KBTBD7: variants seen among roughly 807,000 people sequenced by gnomAD.
KBTBD7 encodes the protein kelch repeat and BTB domain-containing protein 7.
In KBTBD7, 25 loss-of-function variants were observed where a neutral mutation model predicts 50.3. The observed-to-expected ratio is 0.50, with a 90% CI of 0.36 to 0.69. KBTBD7 has a LOEUF of 0.69. Among genes scored for constraint, KBTBD7 ranks in the 30% least tolerant of loss-of-function variants. The pLI, the probability that KBTBD7 is intolerant of heterozygous loss-of-function variation, is 0.00. For missense variants in KBTBD7, 653 were observed against 869.5 expected, an observed-to-expected ratio of 0.75 and a Z score of 3.13; for synonymous variants, 305 against 325.3, an observed-to-expected ratio of 0.94 and a Z score of 0.67.
Position 41,193,447 on chromosome 13 carries a change from T to C in KBTBD7, c.811A>G (p.Thr271Ala). 6.2e-7 allele frequency: 1 copy of C among 1,614,150 alleles called. No individual in the cohort carries two copies. Among genetic ancestry groups the C allele is most frequent in the Non-Finnish European group, 8.5e-7 (1 of 1,180,004 alleles). ...TCTAAGTAGTCCTGATCTTCTTCAG[T>C]GAAGTGCATCCAGCGCACGCACTTG... ...VFKCVRWMHF[T>A]EEDQDYLEGL... The change falls in exon 1 of 1, where the codon ACT becomes GCT. Residue 271 changes from threonine (T) to alanine (A), a missense_variant. Physicochemically the swap from Thr to Ala is moderately conservative, Grantham distance 58. This residue lies in a region of KBTBD7 where 526 missense variants were observed against 717.1 expected (regional missense o/e 0.73). Transcript: ENST00000379483. The surrounding 1 kb of genome is among the most constrained non-coding windows in gnomAD (Gnocchi z 5.7).
Position 41,192,106 on chromosome 13 carries a change from G to T in KBTBD7, c.*97C>A. The stretch of plus-strand genomic sequence containing the variant: ...ATATTACCCTTTCTAAACCAAATCT[G>T]TGGTCCTAATCAACTTTTTTTCCAA... On this transcript the variant is annotated 3_prime_UTR_variant, in exon 1 of 1. Transcript: ENST00000379483. 8.3e-7 allele frequency: 1 copy of T among 1,203,926 alleles called. No homozygotes were observed. The highest frequency in any genetic ancestry group is 1.2e-6 in the Non-Finnish European group (1 of 849,626). 74.6% of individuals were successfully genotyped at this position (1,203,926 alleles called of 1,614,324 possible). A position where few individuals can be genotyped will look rare whatever the true frequency, so the allele number is the denominator to read the frequency against.
Position 41,193,753 on chromosome 13 carries a change from C to T in KBTBD7, c.505G>A (p.Asp169Asn). 1 of 1,614,206 alleles carries T rather than the reference C, an allele frequency of 6.2e-7. No individual in the cohort carries two copies. Residue 169 changes from aspartate (D) to asparagine (N), a missense_variant, in exon 1 of 1, where the codon GAC (aspartate) becomes AAC (asparagine). Physicochemically the swap from Asp to Asn is conservative, Grantham distance 23. Around this residue, in one of 3 missense-constraint regions of KBTBD7, gnomAD observed 526 missense variants for 717.1 expected, o/e 0.73. Transcript: ENST00000379483. This position sits in a 1 kb window ranked among gnomAD's most constrained non-coding sequence, Gnocchi z 5.7. ...AGGATGGCGGTGCAGTTGGTCAGGT[C>T]AAGACGTCGGGCTAAGAAGGAGGCA... ...ACASFLARRL[D>N]LTNCTAILKF...
At position 41,194,025 on chromosome 13, in the gene KBTBD7, GT is replaced by G. The variant is rs2031466253; in HGVS notation, c.232del (p.Thr78ArgfsTer12). 1 of 1,614,116 alleles carries G rather than the reference GT, an allele frequency of 6.2e-7. No homozygotes were observed. ...GCGATTGCAGGAAAAGAGGCGACCC[GT>G]GCCAGGCCCGCTGCCAGGCGTCACC... The part of the protein sequence containing the change: ...EVVTPGSGPG[T>X]GRLFSCNRNV... On this transcript the variant is annotated frameshift_variant, in exon 1 of 1. Coordinates refer to ENST00000379483, the MANE Select transcript of KBTBD7 (RefSeq NM_032138.7). LOFTEE classifies it high-confidence loss of function.
At position 41,192,108 on chromosome 13, in the gene KBTBD7, G is replaced by T. The variant is rs1593477770; in HGVS notation, c.*95C>A. On this transcript the variant is annotated 3_prime_UTR_variant, in exon 1 of 1. Transcript: ENST00000379483. Reference sequence around the variant, plus strand: ...ATTACCCTTTCTAAACCAAATCTGTGGTCCTAATCAACTTTTTTTCCAAGA... The same window carrying T: ...ATTACCCTTTCTAAACCAAATCTGTTGTCCTAATCAACTTTTTTTCCAAGA... 4.9e-6 allele frequency: 6 copies of T among 1,217,604 alleles called. No homozygotes were observed. The highest frequency in any genetic ancestry group is 7.0e-6 in the Non-Finnish European group (6 of 862,050). The allele number at this position is 1,217,604 out of a possible 1,614,324, so 75.4% of individuals were successfully genotyped here.
Position 41,192,174 on chromosome 13 carries a change from A to T in KBTBD7, c.*29T>A. The T allele has an allele frequency of 6.4e-7, 1 of 1,566,960 alleles. No homozygotes were observed. On this transcript the variant is annotated 3_prime_UTR_variant, in exon 1 of 1. Transcript: ENST00000379483. ...TGTTTAAAATACATTCCGTAGCAGT[A>T]GAAACATCTTAGTGTCTCAAAATAC...
chr13:41,192,530 T>C lies in KBTBD7; in HGVS notation c.1728A>G (p.Pro576=). ...CTGTCACTCGGTTCTTTTTCCATTG[T>C]GGGGTTGTAGAAGTGATGAGAAGCA... is the stretch of plus-strand genomic sequence containing the variant. ...QKLLLITSTT[P]QWKKNRVTVY... is the part of the protein sequence containing the mutation. The change falls in exon 1 of 1, where the codon CCA becomes CCG. Residue 576 remains proline (P), a synonymous_variant. Coordinates refer to ENST00000379483, the MANE Select transcript of KBTBD7 (RefSeq NM_032138.7). 6.2e-7 allele frequency: 1 copy of C among 1,614,232 alleles called. No individual in the cohort carries two copies. The highest frequency in any genetic ancestry group is 8.5e-7 in the Non-Finnish European group (1 of 1,180,040).
Position 41,191,998 on chromosome 13 carries a change from A to G in KBTBD7, c.*205T>C, listed in dbSNP as rs2031400824. The stretch of plus-strand genomic sequence containing the variant: ...AATCAATTATATAGTTCTTGCTTCC[A>G]TATTTTAATTCTGGACTTTCAGGAT... On this transcript the variant is annotated 3_prime_UTR_variant, in exon 1 of 1. Coordinates refer to ENST00000379483, the MANE Select transcript of KBTBD7 (RefSeq NM_032138.7). 6.0e-6 allele frequency: 3 copies of G among 501,662 alleles called. No homozygotes were observed. Among genetic ancestry groups the G allele is most frequent in the East Asian group, 6.0e-5 (2 of 33,328 alleles). The allele number at this position is 501,662 out of a possible 1,614,324, so 31.1% of individuals were successfully genotyped here. A position where few individuals can be genotyped will look rare whatever the true frequency, so the allele number is the denominator to read the frequency against.
Position 41,194,116 on chromosome 13 carries a change from C to G in KBTBD7, c.142G>C (p.Ala48Pro), listed in dbSNP as rs944952621. 1.9e-6 allele frequency: 3 copies of G among 1,614,222 alleles called. No homozygotes were observed. Among genetic ancestry groups the G allele is most frequent in the Non-Finnish European group, 2.5e-6 (3 of 1,180,040 alleles). Reference protein sequence around the residue: ...EELKDTAHSAALLAQLKSFYD... With the variant: ...EELKDTAHSAPLLAQLKSFYD... ...AAGGACTTGAGCTGTGCCAGCAGGG[C>G]TGCAGAATGGGCCGTGTCCTTTAAC... The change falls in exon 1 of 1, where the codon GCC (alanine) becomes CCC (proline). Residue 48 changes from alanine (A) to proline (P), a missense_variant. This residue lies in a region of KBTBD7 where 119 missense variants were observed against 125.0 expected (regional missense o/e 0.95). Transcript: ENST00000379483.
rs1215320429 is a variant in KBTBD7, at chr13:41,193,697, C to G, written c.561G>C (p.Lys187Asn). 6.2e-7 allele frequency: 1 copy of G among 1,614,100 alleles called. No homozygotes were observed. Among genetic ancestry groups the G allele is most frequent in the African/African-American group, 1.3e-5 (1 of 74,938 alleles). ...TGTAGGACTGGGCCTGAGATCGAAG[C>G]TTGTGATGGTCGAAGGCGTCTGCAA... The part of the protein sequence containing the change: ...LKFADAFDHH[K>N]LRSQAQSYIA... Residue 187 changes from lysine (K) to asparagine (N), a missense_variant, in exon 1 of 1, where the codon AAG (lysine) becomes AAC (asparagine). Coordinates refer to ENST00000379483, the MANE Select transcript of KBTBD7 (RefSeq NM_032138.7). The surrounding 1 kb of genome is among the most constrained non-coding windows in gnomAD (Gnocchi z 5.7).
Position 41,194,417 on chromosome 13 carries a change from T to A in KBTBD7, c.-160A>T. On this transcript the variant is annotated 5_prime_UTR_variant, in exon 1 of 1. Transcript: ENST00000379483. ...TTCAGCCCTATCCCGCGGTGAGGCC[T>A]CCCTTTATTGCATAGACAGTGGCTG... 1.1e-6 allele frequency: 1 copy of A among 920,472 alleles called. No homozygotes were observed. Among genetic ancestry groups the A allele is most frequent in the Non-Finnish European group, 1.6e-6 (1 of 615,628 alleles). The allele number at this position is 920,472 out of a possible 1,614,324, so 57.0% of individuals were successfully genotyped here. A position where few individuals can be genotyped will look rare whatever the true frequency, so the allele number is the denominator to read the frequency against.
chr13:41,194,529 T>A lies in KBTBD7; in HGVS notation c.-272A>T. 1.9e-6 allele frequency: 1 copy of A among 521,560 alleles called. No homozygotes were observed. Among genetic ancestry groups the A allele is most frequent in the Non-Finnish European group, 3.5e-6 (1 of 284,586 alleles). The allele number at this position is 521,560 out of a possible 1,614,324, so 32.3% of individuals were successfully genotyped here. A position where few individuals can be genotyped will look rare whatever the true frequency, so the allele number is the denominator to read the frequency against. ...GGCTTGCAGCCGCGGAAGCCCCCAC[T>A]GCCGCGCTGGCGATCCCGCTAGGCG... On this transcript the variant is annotated 5_prime_UTR_variant, in exon 1 of 1. Transcript: ENST00000379483.
At position 41,193,614 on chromosome 13, in the gene KBTBD7, G is replaced by A. The variant is rs758640332; in HGVS notation, c.644C>T (p.Ala215Val). ...RMGSIREETL[A>V]DLTLAQLLAV... ...CAGCAGCTGGGCCAGGGTTAGATCT[G>A]CTAGAGTCTCCTCCCGAATTGAACC... Residue 215 changes from alanine to valine, a missense_variant, in exon 1 of 1, where the codon GCA becomes GTA. By Grantham distance (64) the Ala-to-Val change is moderately conservative. Coordinates refer to ENST00000379483, the MANE Select transcript of KBTBD7 (RefSeq NM_032138.7). This position sits in a 1 kb window ranked among gnomAD's most constrained non-coding sequence, Gnocchi z 5.7. 1.9e-6 allele frequency: 3 copies of A among 1,614,228 alleles called. No homozygotes were observed. Among genetic ancestry groups the A allele is most frequent in the South Asian group, 1.1e-5 (1 of 91,084 alleles).
chr13:41,192,723 C>A lies in KBTBD7; in HGVS notation c.1535G>T (p.Arg512Leu), dbSNP rs1205409399. The A allele has an allele frequency of 3.7e-6, 6 of 1,614,116 alleles. No individual in the cohort carries two copies. The highest frequency in any genetic ancestry group is 5.1e-6 in the Non-Finnish European group (6 of 1,180,008). ...NMWLNCASLK[R>L]SDFQEACVFN... is the part of the protein sequence containing the mutation. ...GACACATGCTTCCTGAAAGTCACTA[C>A]GTTTAAGAGAAGCACAGTTCAGCCA... Residue 512 changes from arginine (R) to leucine (L), a missense_variant, in exon 1 of 1, where the codon CGT becomes CTT. Physicochemically the swap from Arg to Leu is moderately radical, Grantham distance 102 (BLOSUM62 -2). Transcript: ENST00000379483.
In KBTBD7 at chr13:41,193,576, G is replaced by A. The variant is rs180708563; in HGVS notation, c.682C>T (p.Leu228=). 1.6e-5 allele frequency: 26 copies of A among 1,614,216 alleles called. No homozygotes were observed. Among genetic ancestry groups the A allele is most frequent in the Non-Finnish European group, 2.1e-5 (25 of 1,180,046 alleles). The change falls in exon 1 of 1, where the codon CTG becomes TTG. Residue 228 remains leucine (L), a synonymous_variant. Coordinates refer to ENST00000379483, the MANE Select transcript of KBTBD7 (RefSeq NM_032138.7). The surrounding 1 kb of genome is among the most constrained non-coding windows in gnomAD (Gnocchi z 5.7). The stretch of plus-strand genomic sequence containing the variant: ...TCACTCTCTATGTCCAGACTATCCA[G>A]GCGTAGGACAGCCAGCAGCTGGGCC... ...TLAQLLAVLR[L]DSLDIESERT... is the part of the protein sequence containing the mutation.
rs2031377778 is a variant in KBTBD7 at position 41,191,376 on chromosome 13, A to AAAAGCAAG, written c.*819_*826dup. Reference sequence around the variant, plus strand: ...GGCATAAATTAAAAACACAAACATAAAAAGCAAGTTACCGTTTTTTTTTTT... The same window carrying AAAAGCAAG: ...GGCATAAATTAAAAACACAAACATAAAAAGCAAGAAAGCAAGTTACCGTTTTTTTTTTT... On this transcript the variant is annotated 3_prime_UTR_variant, in exon 1 of 1. Transcript: ENST00000379483. 2 of 146,860 alleles carry AAAAGCAAG rather than the reference A, an allele frequency of 1.4e-5. No homozygotes were observed. The highest frequency in any genetic ancestry group is 4.3e-4 in the South Asian group (2 of 4,628). 9.1% of individuals were successfully genotyped at this position (146,860 alleles called of 1,614,324 possible).
In KBTBD7 at chr13:41,193,228, C is replaced by G; in HGVS notation, c.1030G>C (p.Glu344Gln). 1 of 1,613,784 alleles carries G rather than the reference C, an allele frequency of 6.2e-7. No homozygotes were observed. Among genetic ancestry groups the G allele is most frequent in the Non-Finnish European group, 8.5e-7 (1 of 1,179,770 alleles). ...PPQRLGMCAK[E>Q]MVIFFGHPRD... is the part of the protein sequence containing the mutation. ...GGATGTCCAAAGAAGATCACCATCT[C>G]CTTGGCACACATACCCAGTCTCTGG... The change falls in exon 1 of 1, where the codon GAG becomes CAG. Residue 344 changes from glutamate (E) to glutamine (Q), a missense_variant. Around this residue, in one of 3 missense-constraint regions of KBTBD7, gnomAD observed 526 missense variants for 717.1 expected, o/e 0.73. Transcript: ENST00000379483. This position sits in a 1 kb window ranked among gnomAD's most constrained non-coding sequence, Gnocchi z 5.7.
rs1022098646 is a variant in KBTBD7, at chr13:41,194,375, C to G, written c.-118G>C. On this transcript the variant is annotated 5_prime_UTR_variant, in exon 1 of 1. Coordinates refer to ENST00000379483, the MANE Select transcript of KBTBD7 (RefSeq NM_032138.7). Reference sequence around the variant, plus strand: ...CCGCGTCCTGGAACAGACTGCGGCACGGGCCGCACTTCTGAATTCAGCCCT... The same window carrying G: ...CCGCGTCCTGGAACAGACTGCGGCAGGGGCCGCACTTCTGAATTCAGCCCT... 2.2e-6 allele frequency: 3 copies of G among 1,358,274 alleles called. No individual in the cohort carries two copies. Among genetic ancestry groups the G allele is most frequent in the Admixed American group, 2.6e-5 (1 of 38,174 alleles). The allele number at this position is 1,358,274 out of a possible 1,614,324, so 84.1% of individuals were successfully genotyped here. A position where few individuals can be genotyped will look rare whatever the true frequency, so the allele number is the denominator to read the frequency against.
chr13:41,192,460 T>G lies in KBTBD7; in HGVS notation c.1798A>C (p.Thr600Pro). 6.2e-7 allele frequency: 1 copy of G among 1,614,196 alleles called. No individual in the cohort carries two copies. The highest frequency in any genetic ancestry group is 8.5e-7 in the Non-Finnish European group (1 of 1,180,018). The stretch of plus-strand genomic sequence containing the variant: ...TCAAACTGCAAAAGGCCTAACATGG[T>G]ACCTATATTAATCCACTGATCTTCC... ...TREDQWINIGTMLGLLQFDSG... is the reference protein window; with the variant it reads ...TREDQWINIGPMLGLLQFDSG... Residue 600 changes from threonine to proline, a missense_variant, in exon 1 of 1, where the codon ACC (threonine) becomes CCC (proline). Thr to Pro is a conservative substitution (Grantham distance 38, BLOSUM62 -1). This residue lies in a region of KBTBD7 where 526 missense variants were observed against 717.1 expected (regional missense o/e 0.73). Coordinates refer to ENST00000379483, the MANE Select transcript of KBTBD7 (RefSeq NM_032138.7).
chr13:41,193,463 C>A lies in KBTBD7; in HGVS notation c.795G>T (p.Val265=). The A allele has an allele frequency of 1.9e-6, 3 of 1,614,142 alleles. No homozygotes were observed. Among genetic ancestry groups the A allele is most frequent in the Non-Finnish European group, 2.5e-6 (3 of 1,180,014 alleles). ...GPSAAEVFKC[V]RWMHFTEEDQ... ...CTTCTTCAGTGAAGTGCATCCAGCG[C>A]ACGCACTTGAAGACTTCTGCAGCAC... Residue 265 remains valine (V), a synonymous_variant, in exon 1 of 1, where the codon GTG becomes GTT. Coordinates refer to ENST00000379483, the MANE Select transcript of KBTBD7 (RefSeq NM_032138.7). This position sits in a 1 kb window ranked among gnomAD's most constrained non-coding sequence, Gnocchi z 5.7.
Sources: allele counts gnomAD v4.1 joint callset, GRCh38; gene constraint gnomAD v4.1.1; regional missense constraint gnomAD v4.1.1; non-coding constraint Gnocchi (gnomAD v3.1); transcripts MANE v1.5; gene names NCBI Gene and HGNC (gene_info 2026-07-23, HGNC 2026-07-21).